The following ZNF540 variants were observed in gnomAD, a reference collection of about 807,000 sequenced individuals.
The protein encoded by ZNF540 is CTD-3064H18.6.
ZNF540 carries 3 observed loss-of-function variants against 11.8 expected under a neutral mutation model. The ratio of observed to expected loss-of-function variants is 0.25; its 90% CI spans 0.12 to 0.65. ZNF540 has a LOEUF of 0.65. Among genes scored for constraint, ZNF540 ranks in the 30% least tolerant of loss-of-function variants. The pLI, the probability that ZNF540 is intolerant of heterozygous loss-of-function variation, is 0.83. For missense variants in ZNF540, 709 were observed against 793.1 expected, an observed-to-expected ratio of 0.89 and a Z score of 1.27; for synonymous variants, 247 against 259.0, an observed-to-expected ratio of 0.95 and a Z score of 0.45.
chr19:37,562,866 G>A (rs2042733769), intron 1 of ZNF540: 1 of 152,094 alleles, frequency 6.6e-6, no homozygotes, highest in South Asian at 2.1e-4. Context: ...ACTGTTAACT[G>A]GCTTTTGAGT....
intron 1 of ZNF540, chr19:37,586,110 T>G (rs757785177): frequency 6.6e-6 from 1 of 152,450 alleles, no homozygotes; most frequent in African/African-American, 2.4e-5. Context: ...ATAATTATAT[T>G]GATTTAAGCC....
intron 1 of ZNF540, chr19:37,565,652 G>A (rs1391444652): frequency 6.8e-6 from 11 of 1,613,104 alleles, no homozygotes; most frequent in Non-Finnish European, 8.5e-6. Context: ...ATAACTAAAG[G>A]CTTTTCCACA....
chr19:37,604,627 A>G (rs979702053), intron 4 of ZNF540, among the ~76,000 whole-genome samples: 2 of 151,920 alleles, frequency 1.3e-5, no homozygotes, highest in African/African-American at 4.8e-5. Flanking sequence ...TTTTTTTTCA[A>G]ATCAGCTTTA....
At chr19:37,591,763 CA>C (rs2043875044), upstream of ZNF540, among the ~76,000 whole-genome samples, 1 of 151,984 alleles carries the variant, frequency 6.6e-6, no homozygotes, top group Non-Finnish European at 1.5e-5. Flanking sequence ...AGGCTGGCCT[CA>C]AACTCCCGAC....
At chr19:37,551,963 G>A (rs2042610948) in intron 1 of ZNF540, among the ~76,000 whole-genome samples, 1 of 151,894 alleles carries the variant, frequency 6.6e-6, no homozygotes, top group African/African-American at 2.4e-5. Context: ...GCTTTCTTGG[G>A]GGTCATTGAT....
rs1038224735 is a variant in ZNF540, at chr19:37,613,689, G to C, written c.*426G>C. On this transcript the variant is annotated 3_prime_UTR_variant, in exon 5 of 5. Coordinates refer to ENST00000316433, the MANE Select transcript of ZNF540 (RefSeq NM_001172225.3). ...TTTATTATCATCAACATTATTATTAGTGGATTTCTTAATAGGAAGATGCAA... is the reference window on the plus strand; with the variant it reads ...TTTATTATCATCAACATTATTATTACTGGATTTCTTAATAGGAAGATGCAA... 1 of 397,380 alleles carries C rather than the reference G, an allele frequency of 2.5e-6. No homozygotes were observed. The highest frequency in any genetic ancestry group is 4.4e-6 in the Non-Finnish European group (1 of 225,806). 24.6% of individuals were successfully genotyped at this position (397,380 alleles called of 1,614,324 possible). A position where few individuals can be genotyped will look rare whatever the true frequency, so the allele number is the denominator to read the frequency against.
intron 1 of ZNF540, among the ~76,000 whole-genome samples, chr19:37,553,022 T>C (rs943242295): frequency 2.0e-5 from 3 of 151,558 alleles, no homozygotes; most frequent in African/African-American, 7.3e-5. Flanking sequence ...TTTTTTTTTT[T>C]TTTAACTTTT....
intron 1 of ZNF540, among the ~76,000 whole-genome samples, chr19:37,573,584 T>G (rs2043139143): frequency 6.7e-6 from 1 of 149,958 alleles, no homozygotes; most frequent in Non-Finnish European, 1.5e-5. Flanking sequence ...GCTAGGACTT[T>G]GGGAGGCTGA....
rs1411484452 is a variant in ZNF540 at position 37,599,671 on chromosome 19, G to A, written c.55G>A (p.Glu19Lys). ...RDVAIDFSQK[E>K]WECLDTTQRK... is the part of the protein sequence containing the mutation. The stretch of plus-strand genomic sequence containing the variant: ...TGTGGCTATAGACTTCTCTCAGAAG[G>A]AATGGGAGTGCCTGGACACTACCCA... Residue 19 changes from glutamate (E) to lysine (K), a missense_variant, in exon 3 of 5, where the codon GAA (glutamate) becomes AAA (lysine). Coordinates refer to ENST00000316433, the MANE Select transcript of ZNF540 (RefSeq NM_001172225.3). The A allele has an allele frequency of 5.0e-6, 8 of 1,613,968 alleles. No individual in the cohort carries two copies. The highest frequency in any genetic ancestry group is 2.2e-5 in the East Asian group (1 of 44,862).
intron 1 of ZNF540, chr19:37,565,351 T>C (rs1047870079): frequency 2.7e-5 from 44 of 1,613,478 alleles, no homozygotes; most frequent in Non-Finnish European, 3.6e-5. Flanking sequence ...AGGGTTTCTC[T>C]CCTGTATGAA....
Position 37,613,904 on chromosome 19 carries a change from T to A in ZNF540, c.*641T>A. 5.0e-6 allele frequency: 2 copies of A among 398,548 alleles called. No individual in the cohort carries two copies. 24.7% of individuals were successfully genotyped at this position (398,548 alleles called of 1,614,324 possible). The stretch of plus-strand genomic sequence containing the variant: ...TTAGGTCATGAGGGTGGAGCCTTCA[T>A]GAGTGGAATTACTGCCTTTATAAGA... On this transcript the variant is annotated 3_prime_UTR_variant, in exon 5 of 5. Transcript: ENST00000316433.
chr19:37,556,137 T>G, intron 1 of ZNF540: 1 of 702,692 alleles, frequency 1.4e-6, no homozygotes, highest in Non-Finnish European at 2.6e-6. Flanking sequence ...CAGATTGTGT[T>G]GCTCTTCGCG....
intron 1 of ZNF540, chr19:37,555,665 A>G (rs140500686): frequency 6.5e-4 from 356 of 545,068 alleles, no homozygotes; most frequent in African/African-American, 6.1e-3. Flanking sequence ...TTTCTGGAAC[A>G]TAGGGTCACC....
upstream of ZNF540, among the ~76,000 whole-genome samples, chr19:37,591,805 A>G (rs2043876735): frequency 6.6e-6 from 1 of 152,132 alleles, no homozygotes; most frequent in African/African-American, 2.4e-5. Flanking sequence ...CGGCCTCCCA[A>G]AGTGTTGGGA....
chr19:37,567,333 T>C (rs2042896166), intron 1 of ZNF540, among the ~76,000 whole-genome samples: 1 of 152,228 alleles, frequency 6.6e-6, no homozygotes, highest in South Asian at 2.1e-4. Context: ...AAAATATATA[T>C]GTTCCTTCAT....
intron 1 of ZNF540, chr19:37,556,156 C>G (rs2042657569): frequency 1.4e-6 from 1 of 701,946 alleles, no homozygotes; most frequent in African/African-American, 1.7e-5. Context: ...CGGGTACGGG[C>G]TGGCTCTGGG....
chr19:37,612,440 AGT>A lies in ZNF540; in HGVS notation c.1164_1165del (p.Cys388TrpfsTer5). 6.2e-7 allele frequency: 1 copy of A among 1,614,106 alleles called. No homozygotes were observed. The highest frequency in any genetic ancestry group is 1.1e-5 in the South Asian group (1 of 91,072). ...GGTAAGAAACCTTATGAATGTAAGG[AGT>A]GTGGGAAATCATTTAATGTGCGTGG... On this transcript the variant is annotated frameshift_variant, in exon 5 of 5. Transcript: ENST00000316433. LOFTEE classifies it low-confidence loss of function (END_TRUNC).
chr19:37,576,776 A>G (rs1432615428), intron 1 of ZNF540, among the ~76,000 whole-genome samples: 2 of 152,208 alleles, frequency 1.3e-5, no homozygotes, highest in African/African-American at 4.8e-5. Context: ...AAATACCCCA[A>G]TATGCTTAGC....
intron 1 of ZNF540, among the ~76,000 whole-genome samples, chr19:37,582,660 C>T (rs1470452409): frequency 5.9e-5 from 9 of 152,290 alleles, no homozygotes; most frequent in Admixed American, 3.3e-4. Flanking sequence ...ATATCAAATA[C>T]GTAACTCTTG....
Sources: gnomAD v4.1 joint callset for allele counts (sites outside exome capture counted in the v4.1 genomes callset) on GRCh38, gnomAD v4.1.1 for gene constraint, MANE v1.5 for transcripts, NCBI Gene and HGNC (gene_info 2026-07-23, HGNC 2026-07-21) for gene names.